The following SMOX variants were observed in gnomAD, a reference collection of about 807,000 sequenced individuals.
SMOX encodes flavin containing amine oxidase.
A neutral mutation model predicts 51.0 loss-of-function variants in SMOX; 22 were observed. The ratio of observed to expected loss-of-function variants is 0.43; its 90% CI spans 0.31 to 0.62. The LOEUF (loss-of-function observed/expected upper bound fraction) is 0.62. Ranked by LOEUF, SMOX falls within the 20% of genes least tolerant of loss-of-function variation. The pLI is 0.10. For synonymous variants in SMOX, 282 were observed against 307.8 expected, an observed-to-expected ratio of 0.92 and a Z score of 0.88; for missense variants, 566 against 777.7, an observed-to-expected ratio of 0.73 and a Z score of 3.24.
chr20:4,168,622 T>G (rs148171059), intron 1 of SMOX, among the ~76,000 whole-genome samples: 3 of 151,680 alleles, frequency 2.0e-5, no homozygotes, highest in African/African-American at 7.3e-5. Flanking sequence ...AGTGGCGCGA[T>G]CTCGACTCAC....
rs1481846199 is a variant in SMOX, at chr20:4,175,080, G to C, written c.25G>C (p.Asp9His). MQSCESSGDSADDPLSRGL... is the reference protein window; with the variant it reads MQSCESSGHSADDPLSRGL... ...TATGCAAAGTTGTGAATCCAGTGGT[G>C]ACAGTGCGGATGACCCTCTCAGTCG... Residue 9 changes from aspartate (D) to histidine (H), a missense_variant, in exon 2 of 7, where the codon GAC becomes CAC. Coordinates refer to ENST00000305958, the MANE Select transcript of SMOX (RefSeq NM_175839.3). 1.2e-6 allele frequency: 2 copies of C among 1,614,128 alleles called. No individual in the cohort carries two copies. The highest frequency in any genetic ancestry group is 1.7e-6 in the Non-Finnish European group (2 of 1,180,064).
intron 1 of SMOX, among the ~76,000 whole-genome samples, chr20:4,158,142 C>T (rs147852732): frequency 0.016 from 2,476 of 151,090 alleles, 76 homozygotes; most frequent in East Asian, 0.11. Flanking sequence ...CCTCGTGATC[C>T]GCCCGCCTTG....
intron 1 of SMOX, among the ~76,000 whole-genome samples, chr20:4,155,166 AG>A (rs1985950720): frequency 6.6e-6 from 1 of 152,122 alleles, no homozygotes; most frequent in African/African-American, 2.4e-5. Context: ...TCCTCCAGCC[AG>A]GGCGGGGCCG....
chr20:4,182,348 C>T lies in SMOX; in HGVS notation c.869C>T (p.Thr290Ile), dbSNP rs770476968. 1 of 1,593,984 alleles carries T rather than the reference C, an allele frequency of 6.3e-7. No homozygotes were observed. Residue 290 changes from threonine (T) to isoleucine (I), a missense_variant, in exon 5 of 7, where the codon ACT (threonine) becomes ATT (isoleucine). By Grantham distance (89) the Thr-to-Ile change is moderately conservative. Transcript: ENST00000305958. This position sits in a 1 kb window ranked among gnomAD's most constrained non-coding sequence, Gnocchi z 8.4. ...GGTGAGGGCGACCACAATCACGACA[C>T]TGGGGAGGGTGGCCAGGGTGGAGAG... ...PRGEGDHNHD[T>I]GEGGQGGEEP...
chr20:4,186,264 T>C (rs1455295626), intron 6 of SMOX, among the ~76,000 whole-genome samples: 1 of 152,224 alleles, frequency 6.6e-6, no homozygotes, highest in African/African-American at 2.4e-5. Flanking sequence ...GCTGTGATCA[T>C]GTTACTGCAC....
At chr20:4,158,676 G>C (rs1314016859) in intron 1 of SMOX, among the ~76,000 whole-genome samples, 2 of 152,094 alleles carry the variant, frequency 1.3e-5, no homozygotes, top group African/African-American at 4.8e-5. Context: ...TGCAGCCCCG[G>C]GGGCCTGAGT....
At chr20:4,173,583 T>G (rs551333664) in intron 1 of SMOX, among the ~76,000 whole-genome samples, 5 of 152,154 alleles carry the variant, frequency 3.3e-5, no homozygotes, top group Admixed American at 6.5e-5. Flanking sequence ...TTCTGTTGGG[T>G]GTATTCTTAA....
chr20:4,174,098 C>T (rs1046569461), intron 1 of SMOX, among the ~76,000 whole-genome samples: 28 of 152,224 alleles, frequency 1.8e-4, no homozygotes, highest in African/African-American at 5.8e-4. Context: ...ACAACCTACC[C>T]GGAATAGCAG....
Position 4,187,224 on chromosome 20 carries a change from G to A in SMOX, c.1531-46G>A. 1 of 1,582,818 alleles carries A rather than the reference G, an allele frequency of 6.3e-7. No homozygotes were observed. Among genetic ancestry groups the A allele is most frequent in the Non-Finnish European group, 8.6e-7 (1 of 1,160,750 alleles). Reference sequence around the variant, plus strand: ...AGAGGGGTGGCCTTGTGGCCTTCTGGCCTTTGCTGCTCCTCCACCCTGACC... The same window carrying A: ...AGAGGGGTGGCCTTGTGGCCTTCTGACCTTTGCTGCTCCTCCACCCTGACC... On this transcript the variant is annotated intron_variant, in intron 6 of 6. Coordinates refer to ENST00000305958, the MANE Select transcript of SMOX (RefSeq NM_175839.3). The surrounding 1 kb of genome is among the most constrained non-coding windows in gnomAD (Gnocchi z 4.8).
chr20:4,185,857 C>T (rs1979684855), intron 6 of SMOX, among the ~76,000 whole-genome samples: 1 of 107,540 alleles, frequency 9.3e-6, no homozygotes, highest in Non-Finnish European at 1.9e-5. Context: ...CATGCCATTG[C>T]ACTCCAGCCT....
chr20:4,185,430 C>T (rs1374366541), intron 6 of SMOX, among the ~76,000 whole-genome samples: 6 of 151,678 alleles, frequency 4.0e-5, no homozygotes, highest in South Asian at 4.2e-4. Flanking sequence ...GCCAACATGG[C>T]GAAACCCTGT....
chr20:4,170,778 C>A lies in SMOX; in HGVS notation c.-26-4252C>A, dbSNP rs983289839. 6.6e-6 allele frequency among the ~76,000 whole-genome samples: 1 copy of A among 152,154 alleles called. No homozygotes were observed. The highest frequency in any genetic ancestry group is 2.4e-5 in the African/African-American group (1 of 41,416). On this transcript the variant is annotated intron_variant, in intron 1 of 6. Coordinates refer to ENST00000305958, the MANE Select transcript of SMOX (RefSeq NM_175839.3). The surrounding 1 kb of genome is among the most constrained non-coding windows in gnomAD (Gnocchi z 4.6). ...TGCTGCCTTCCTGTGTCCAATGTGG[C>A]CTCTTGGGACACTTCAGTCAGGGTG... is the stretch of plus-strand genomic sequence containing the variant.
chr20:4,158,068 T>G (rs1200944653), intron 1 of SMOX, among the ~76,000 whole-genome samples: 3 of 148,928 alleles, frequency 2.0e-5, no homozygotes, highest in Admixed American at 6.8e-5. Context: ...GCCCGGCTAA[T>G]TTTTTGTATT....
rs536732608 is a variant in SMOX, at chr20:4,152,376, G to A, written c.-27+3399G>A. On this transcript the variant is annotated intron_variant, in intron 1 of 6. Transcript: ENST00000305958. ...GGTCTCTCTCTATCTCTAGACTCTTGCCTTTCTACCCACAGCTCTCCTGTT... is the reference window on the plus strand; with the variant it reads ...GGTCTCTCTCTATCTCTAGACTCTTACCTTTCTACCCACAGCTCTCCTGTT... Among the ~76,000 whole-genome samples the A allele has an allele frequency of 1.7e-3, 259 of 152,180 alleles. 2 individuals carry two copies. The highest frequency in any genetic ancestry group is 2.9e-3 in the Non-Finnish European group (200 of 67,990).
At position 4,183,215 on chromosome 20, in the gene SMOX, C is replaced by T. The variant is rs888476326; in HGVS notation, c.1370-279C>T. 14 of 571,864 alleles carry T rather than the reference C, an allele frequency of 2.4e-5. 1 individual carries two copies. Among genetic ancestry groups the T allele is most frequent in the South Asian group, 1.7e-4 (8 of 48,348 alleles). 35.4% of individuals were successfully genotyped at this position (571,864 alleles called of 1,614,324 possible). ...TCCAGGAGGACCTCACGAGAACCCC[C>T]GATATTAGGCGGGGAAACATGATTA... On this transcript the variant is annotated intron_variant, in intron 5 of 6. Coordinates refer to ENST00000305958, the MANE Select transcript of SMOX (RefSeq NM_175839.3). The surrounding 1 kb of genome is among the most constrained non-coding windows in gnomAD (Gnocchi z 4.3).
Position 4,175,014 on chromosome 20 carries a change from C to T in SMOX, c.-26-16C>T, listed in dbSNP as rs1388502381. On this transcript the variant is annotated splice_polypyrimidine_tract_variant and intron_variant, in intron 1 of 6. Transcript: ENST00000305958. ...AAGGCAGAGCCACTAAGCTGTGACA[C>T]CTCCTCCCCCTGCAGGTTCCTAGAA... 1 of 1,609,456 alleles carries T rather than the reference C, an allele frequency of 6.2e-7. No homozygotes were observed. The highest frequency in any genetic ancestry group is 8.5e-7 in the Non-Finnish European group (1 of 1,177,056).
intron 6 of SMOX, among the ~76,000 whole-genome samples, chr20:4,185,879 C>T (rs1979686524): frequency 7.9e-6 from 1 of 125,788 alleles, no homozygotes; most frequent in South Asian, 2.9e-4. Context: ...GGTGACAGAG[C>T]GAGACCCTGT....
rs150895240 is a variant in SMOX, at chr20:4,154,102, C to T, written c.-27+5125C>T. Among the ~76,000 whole-genome samples the T allele has an allele frequency of 2.2e-3, 337 of 152,148 alleles. 2 individuals carry two copies. Among genetic ancestry groups the T allele is most frequent in the Middle Eastern group, 6.8e-3 (2 of 294 alleles). ...CTTTGGCCGACAGAGGAGAGGATGG[C>T]CTTCCTAAGGTGGAGGAGGAGAAGT... is the stretch of plus-strand genomic sequence containing the variant. On this transcript the variant is annotated intron_variant, in intron 1 of 6. Transcript: ENST00000305958.
In SMOX at chr20:4,177,368, C is replaced by T; in HGVS notation, c.226C>T (p.Leu76=). 1 of 1,552,600 alleles carries T rather than the reference C, an allele frequency of 6.4e-7. No individual in the cohort carries two copies. The highest frequency in any genetic ancestry group is 8.7e-7 in the Non-Finnish European group (1 of 1,147,458). The change falls in exon 3 of 7, where the codon CTG becomes TTG. Residue 76 remains leucine (L), a synonymous_variant. Coordinates refer to ENST00000305958, the MANE Select transcript of SMOX (RefSeq NM_175839.3). This position sits in a 1 kb window ranked among gnomAD's most constrained non-coding sequence, Gnocchi z 4.3. ...SVKLGHATFE[L]GATWIHGSHG... ...ACCCTCAGGACACGCCACCTTTGAG[C>T]TGGGAGCCACCTGGATCCATGGCTC...
Sources: gnomAD v4.1 joint callset for allele counts (sites outside exome capture counted in the v4.1 genomes callset) on GRCh38, gnomAD v4.1.1 for gene constraint, Gnocchi (gnomAD v3.1) non-coding constraint, MANE v1.5 for transcripts, NCBI Gene and HGNC (gene_info 2026-07-23, HGNC 2026-07-21) for gene names.